The following STEAP2 variants were observed in gnomAD, a reference collection of about 807,000 sequenced individuals.
STEAP2 encodes the protein metalloreductase STEAP2.
Under a neutral mutation model 46.4 loss-of-function variants are expected in STEAP2, and 30 were observed. The ratio of observed to expected loss-of-function variants is 0.65; its 90% CI spans 0.48 to 0.88. The LOEUF (loss-of-function observed/expected upper bound fraction) is 0.88, where lower values mean the gene tolerates loss of function less well. Among genes scored for constraint, STEAP2 ranks in the 40% least tolerant of loss-of-function variants. The pLI is 0.00. For missense variants in STEAP2, 513 were observed against 579.3 expected, an observed-to-expected ratio of 0.89 and a Z score of 1.18; for synonymous variants, 180 against 200.5, an observed-to-expected ratio of 0.90 and a Z score of 0.86.
intron 1 of STEAP2, among the ~76,000 whole-genome samples, chr7:90,214,388 A>G (rs1370653266): frequency 2.6e-5 from 4 of 152,146 alleles, no homozygotes; most frequent in Non-Finnish European, 5.9e-5. Flanking sequence ...TTGAGATGTC[A>G]CAGAAAGAGG....
rs758881052 is a variant in STEAP2 at position 90,232,483 on chromosome 7, G to A, written c.1332G>A (p.Leu444=). The A allele has an allele frequency of 1.2e-6, 2 of 1,613,516 alleles. No individual in the cohort carries two copies. The highest frequency in any genetic ancestry group is 4.5e-5 in the East Asian group (2 of 44,860). Residue 444 remains leucine, a synonymous_variant, in exon 6 of 6, where the codon CTG becomes CTA. Transcript: ENST00000394621. ...TTGTTTTGCCCTCAATTGTAATTCT[G>A]GGTAAGATTATTTTATTCCTTCCAT... The part of the protein sequence containing the change: ...LALVLPSIVI[L]GKIILFLPCI...
chr7:90,242,172 G>A (rs1319489040), downstream of STEAP2, among the ~76,000 whole-genome samples: 1 of 152,178 alleles, frequency 6.6e-6, no homozygotes, highest in Admixed American at 6.5e-5. Context: ...GGGAAAGTCA[G>A]GGGTTTTTAA....
the STEAP2 span, among the ~76,000 whole-genome samples, chr7:90,243,185 TCAACGTCTGAG>T: frequency 6.6e-6 from 1 of 152,196 alleles, no homozygotes; most frequent in East Asian, 1.9e-4. Flanking sequence ...CCAGAAATAT[TCAACGTCTGAG>T]GCAGAAGGAA....
intron 4 of STEAP2, among the ~76,000 whole-genome samples, chr7:90,228,244 T>C (rs1413765457): frequency 2.0e-5 from 3 of 152,184 alleles, no homozygotes; most frequent in African/African-American, 7.2e-5. Flanking sequence ...CCAAGAACAT[T>C]GCACCAAAAC....
In STEAP2 at chr7:90,232,877, C is replaced by T. The variant is rs1795820618; in HGVS notation, c.*253C>T. On this transcript the variant is annotated 3_prime_UTR_variant, in exon 6 of 6. Transcript: ENST00000394621. The stretch of plus-strand genomic sequence containing the variant: ...TTGTTTTGTTTTGCACAACTGTAAC[C>T]CTGTTGTTACTTTATATTTCATAAT... The T allele has an allele frequency of 3.3e-5, 36 of 1,094,484 alleles. No individual in the cohort carries two copies. Among genetic ancestry groups the T allele is most frequent in the Non-Finnish European group, 4.0e-5 (36 of 898,738 alleles). 67.8% of individuals were successfully genotyped at this position (1,094,484 alleles called of 1,614,324 possible). A position where few individuals can be genotyped will look rare whatever the true frequency, so the allele number is the denominator to read the frequency against.
chr7:90,236,630 T>G lies in STEAP2; in HGVS notation c.*4006T>G. 1 of 1,162,790 alleles carries G rather than the reference T, an allele frequency of 8.6e-7. No individual in the cohort carries two copies. 72.0% of individuals were successfully genotyped at this position (1,162,790 alleles called of 1,614,324 possible). A position where few individuals can be genotyped will look rare whatever the true frequency, so the allele number is the denominator to read the frequency against. On this transcript the variant is annotated 3_prime_UTR_variant, in exon 6 of 6. Transcript: ENST00000394621. ...TGGGTTCTTCACTTTTTTTTTAGTA[T>G]GAGAAAATTATACAGTGCTTAATTT...
At chr7:90,224,246 C>T (rs1304425761) in intron 2 of STEAP2, among the ~76,000 whole-genome samples, 2 of 152,128 alleles carry the variant, frequency 1.3e-5, no homozygotes, top group Non-Finnish European at 2.9e-5. Flanking sequence ...GGCAGAAGCA[C>T]CTCCCCATAA....
At chr7:90,231,725 T>C (rs1420793247) in intron 5 of STEAP2, among the ~76,000 whole-genome samples, 2 of 152,092 alleles carry the variant, frequency 1.3e-5, no homozygotes, top group African/African-American at 4.8e-5. Context: ...ACTATATTTA[T>C]GTGTATGTGT....
At chr7:90,226,891 G>A in intron 3 of STEAP2, 80 bp from the exon 4 acceptor site, 1 of 1,372,312 alleles carries the variant, frequency 7.3e-7, no homozygotes, top group South Asian at 1.4e-5. Flanking sequence ...CACAGGTGAT[G>A]GTCCGTAAGT....
In STEAP2 at chr7:90,225,133, T is replaced by C; in HGVS notation, c.51T>C (p.Phe17=). 6.2e-7 allele frequency: 1 copy of C among 1,613,786 alleles called. No individual in the cohort carries two copies. Among genetic ancestry groups the C allele is most frequent in the Non-Finnish European group, 8.5e-7 (1 of 1,179,772 alleles). The change falls in exon 3 of 6, where the codon TTT becomes TTC. Residue 17 remains phenylalanine (F), a synonymous_variant. Coordinates refer to ENST00000394621, the MANE Select transcript of STEAP2 (RefSeq NM_001244944.2). The part of the protein sequence containing the change: ...MGSPKSLSET[F]LPNGINGIKD... ...GCCCTAAGAGCCTTAGTGAAACTTTTTTACCTAATGGCATAAATGGTATCA... is the reference window on the plus strand; with the variant it reads ...GCCCTAAGAGCCTTAGTGAAACTTTCTTACCTAATGGCATAAATGGTATCA...
chr7:90,229,121 A>C (rs1417135994), intron 4 of STEAP2, among the ~76,000 whole-genome samples: 1 of 152,168 alleles, frequency 6.6e-6, no homozygotes, highest in Non-Finnish European at 1.5e-5. Flanking sequence ...TATATTCTGA[A>C]TGTAAATAGA....
intron 4 of STEAP2, among the ~76,000 whole-genome samples, chr7:90,228,769 T>C (rs142933452): frequency 8.1e-4 from 124 of 152,278 alleles, no homozygotes; most frequent in African/African-American, 2.8e-3. Context: ...TTGTGGACAC[T>C]CAAACAGCCC....
intron 2 of STEAP2, among the ~76,000 whole-genome samples, chr7:90,220,708 A>G (rs899184849): frequency 3.9e-5 from 6 of 152,202 alleles, no homozygotes; most frequent in Non-Finnish European, 8.8e-5. Flanking sequence ...TCCTTGAGGT[A>G]CATCATTAAG....
At chr7:90,232,077 T>C (rs1795776091) in intron 5 of STEAP2, among the ~76,000 whole-genome samples, 1 of 151,840 alleles carries the variant, frequency 6.6e-6, no homozygotes, top group East Asian at 1.9e-4. Flanking sequence ...ATAAAATAAA[T>C]GAAGTAGTAA....
rs1562816133 is a variant in STEAP2, at chr7:90,234,207, T to A, written c.*1583T>A. ...AGAGACATATAATCATACAGATTAT[T>A]CATAAAATTTTTCAGTGCTGTCCTT... On this transcript the variant is annotated 3_prime_UTR_variant, in exon 6 of 6. Transcript: ENST00000394621. The A allele has an allele frequency of 1.0e-6, 1 of 985,188 alleles. No homozygotes were observed. Among genetic ancestry groups the A allele is most frequent in the Non-Finnish European group, 1.2e-6 (1 of 829,834 alleles). 61.0% of individuals were successfully genotyped at this position (985,188 alleles called of 1,614,324 possible). A position where few individuals can be genotyped will look rare whatever the true frequency, so the allele number is the denominator to read the frequency against.
Position 90,236,933 on chromosome 7 carries a change from G to A in STEAP2, c.*4309G>A, listed in dbSNP as rs769440208. 1 of 1,614,078 alleles carries A rather than the reference G, an allele frequency of 6.2e-7. No homozygotes were observed. Among genetic ancestry groups the A allele is most frequent in the Non-Finnish European group, 8.5e-7 (1 of 1,179,994 alleles). On this transcript the variant is annotated 3_prime_UTR_variant, in exon 6 of 6. Transcript: ENST00000394621. ...AGATACCCAGACTGAGCTGGAACTG[G>A]AATTTGTCTTCCTATTGACTCTACT...
chr7:90,225,459 C>T lies in STEAP2; in HGVS notation c.377C>T (p.Pro126Leu), dbSNP rs1795446597. The T allele has an allele frequency of 1.9e-6, 3 of 1,613,732 alleles. No individual in the cohort carries two copies. The highest frequency in any genetic ancestry group is 2.5e-6 in the Non-Finnish European group (3 of 1,179,912). Residue 126 changes from proline (P) to leucine (L), a missense_variant, in exon 3 of 6, where the codon CCA becomes CTA. Coordinates refer to ENST00000394621, the MANE Select transcript of STEAP2 (RefSeq NM_001244944.2). The part of the protein sequence containing the change: ...VSNNMRINQY[P>L]ESNAEYLASL... Reference sequence around the variant, plus strand: ...AATAACATGAGGATAAACCAGTACCCAGAATCCAATGCTGAATATTTGGCT... The same window carrying T: ...AATAACATGAGGATAAACCAGTACCTAGAATCCAATGCTGAATATTTGGCT...
intron 5 of STEAP2, among the ~76,000 whole-genome samples, chr7:90,230,613 A>C (rs1795699655): frequency 6.6e-6 from 1 of 151,994 alleles, no homozygotes; most frequent in Non-Finnish European, 1.5e-5. Context: ...GGATGTCTGT[A>C]AAGGGATTTC....
rs556720388 is a variant in STEAP2 at position 90,230,036 on chromosome 7, G to C, written c.1185G>C (p.Gln395His). 2 of 1,610,888 alleles carry C rather than the reference G, an allele frequency of 1.2e-6. No individual in the cohort carries two copies. The highest frequency in any genetic ancestry group is 2.2e-5 in the East Asian group (1 of 44,838). Residue 395 changes from glutamine (Q) to histidine (H), a missense_variant and splice_region_variant, in exon 5 of 6, where the codon CAG (glutamine) becomes CAC (histidine). Physicochemically the swap from Gln to His is conservative, Grantham distance 24 (BLOSUM62 0). Transcript: ENST00000394621. ...ALNWREFSFI[Q>H]STLGYVALLI... ...ACTGGAGAGAATTCAGTTTTATTCA[G>C]GTATGTGGGGTTTTGTTTGGTGAAG... is the stretch of plus-strand genomic sequence containing the variant.
Sources: gnomAD v4.1 joint callset for allele counts (sites outside exome capture counted in the v4.1 genomes callset) on GRCh38, gnomAD v4.1.1 for gene constraint, MANE v1.5 for transcripts, NCBI Gene and HGNC (gene_info 2026-07-23, HGNC 2026-07-21) for gene names.